MGAM2: variants seen among roughly 807,000 people sequenced by gnomAD.
MGAM2 encodes the protein probable maltase-glucoamylase 2.
Under a neutral mutation model 96.1 loss-of-function variants are expected in MGAM2, and 98 were observed. The ratio of observed to expected loss-of-function variants is 1.02; its 90% CI spans 0.87 to 1.21. MGAM2 has a LOEUF of 1.21. Ranked by LOEUF, MGAM2 falls within the 50% of genes most tolerant of loss-of-function variation. MGAM2 has a pLI of 0.00. For synonymous variants in MGAM2, 749 were observed against 414.8 expected (o/e 1.81, Z -9.79); for missense variants, 2,055 against 1,182.4 (o/e 1.74, Z -10.82).
chr7:142,181,332 G>C (rs1248261239), intron 32 of MGAM2, among the ~76,000 whole-genome samples: 1 of 152,162 alleles, frequency 6.6e-6, no homozygotes. Flanking sequence ...ATATTTATCT[G>C]TGGCTGAATT....
At chr7:142,123,171 CTT>C (rs202230778) in intron 3 of MGAM2, among the ~76,000 whole-genome samples, 2 of 145,036 alleles carry the variant, frequency 1.4e-5, no homozygotes, top group Admixed American at 6.9e-5. Flanking sequence ...TAGTTATATT[CTT>C]TTTTTTTTTT....
At chr7:142,194,500 T>C (rs1796966305) in intron 37 of MGAM2, among the ~76,000 whole-genome samples, 1 of 150,830 alleles carries the variant, frequency 6.6e-6, no homozygotes, top group Non-Finnish European at 1.5e-5. Flanking sequence ...ATCTAGACTG[T>C]TATAAAAATC....
In MGAM2 at chr7:142,157,968, C is replaced by T; in HGVS notation, c.1955C>T (p.Ser652Phe). 1.4e-6 allele frequency: 1 copy of T among 702,964 alleles called. No individual in the cohort carries two copies. The highest frequency in any genetic ancestry group is 2.6e-6 in the Non-Finnish European group (1 of 384,982). The allele number at this position is 702,964 out of a possible 1,614,324, so 43.5% of individuals were successfully genotyped here. Residue 652 changes from serine (S) to phenylalanine (F), a missense_variant, in exon 18 of 48, where the codon TCC becomes TTC. By Grantham distance (155) the Ser-to-Phe change is radical. Transcript: ENST00000477922. The stretch of plus-strand genomic sequence containing the variant: ...GATCCCGCTGCCTTTGGTGTTGATT[C>T]CCTGCTGCTGAAATCCTCCAGACAT... ...DQDPAAFGVDSLLLKSSRHYL... is the reference protein window; with the variant it reads ...DQDPAAFGVDFLLLKSSRHYL...
intron 45 of MGAM2, among the ~76,000 whole-genome samples, chr7:142,208,015 A>ATTG (rs1797461458): frequency 3.9e-5 from 6 of 152,174 alleles, no homozygotes; most frequent in African/African-American, 1.4e-4. Context: ...AATCAATTTT[A>ATTG]AGCACTTATT....
intron 12 of MGAM2, among the ~76,000 whole-genome samples, chr7:142,142,375 C>A (rs1161669472): frequency 6.6e-6 from 1 of 151,998 alleles, no homozygotes; most frequent in Admixed American, 6.6e-5. Context: ...TTCAATAGTA[C>A]TCATATTTGA....
chr7:142,158,639 T>A (rs1342518725), intron 19 of MGAM2, among the ~76,000 whole-genome samples: 1 of 152,148 alleles, frequency 6.6e-6, no homozygotes, highest in Non-Finnish European at 1.5e-5. Flanking sequence ...CTGTCTATAG[T>A]TTCCTTTGTC....
intron 37 of MGAM2, among the ~76,000 whole-genome samples, chr7:142,191,757 A>G (rs1331152490): frequency 1.3e-5 from 2 of 152,136 alleles, no homozygotes; most frequent in African/African-American, 4.8e-5. Context: ...CAAAATAGCA[A>G]CAGGGATTTT....
chr7:142,187,445 G>GC (rs1295374425), intron 35 of MGAM2, among the ~76,000 whole-genome samples: 2 of 152,240 alleles, frequency 1.3e-5, no homozygotes, highest in Non-Finnish European at 2.9e-5. Flanking sequence ...CCTGTGTCCA[G>GC]CATTACCTCA....
chr7:142,131,019 C>T lies in MGAM2; in HGVS notation c.258C>T (p.Phe86=), dbSNP rs141683715. The T allele has an allele frequency of 7.1e-6, 5 of 702,530 alleles. No individual in the cohort carries two copies. The highest frequency in any genetic ancestry group is 1.5e-5 in the South Asian group (1 of 67,586). 43.5% of individuals were successfully genotyped at this position (702,530 alleles called of 1,614,324 possible). The stretch of plus-strand genomic sequence containing the variant: ...ATGCCAATGTCCCTAGGTGCTTCTT[C>T]CCCTGGAACTGGGGCTATGAAGCCA... ...VADANVPRCF[F]PWNWGYEASN... The change falls in exon 4 of 48, where the codon TTC becomes TTT. Residue 86 remains phenylalanine (F), a synonymous_variant. Coordinates refer to ENST00000477922, the MANE Select transcript of MGAM2 (RefSeq NM_001293626.2).
At position 142,164,765 on chromosome 7, in the gene MGAM2, G is replaced by A. The variant is rs539621213; in HGVS notation, c.2485-91G>A. On this transcript the variant is annotated intron_variant, in intron 23 of 47. Coordinates refer to ENST00000477922, the MANE Select transcript of MGAM2 (RefSeq NM_001293626.2). ...ACTGCAGAGAAAAGGAAACAGCTTG[G>A]ATCACAGAAATTGAGACATTGACTG... 234 of 563,476 alleles carry A rather than the reference G, an allele frequency of 4.2e-4. 4 individuals are homozygous for A. The South Asian group carries it at 5.7e-3, about 14-fold the overall frequency. The allele number at this position is 563,476 out of a possible 1,614,324, so 34.9% of individuals were successfully genotyped here. A position where few individuals can be genotyped will look rare whatever the true frequency, so the allele number is the denominator to read the frequency against.
At chr7:142,194,419 T>C (rs1796963808) in intron 37 of MGAM2, among the ~76,000 whole-genome samples, 1 of 152,186 alleles carries the variant, frequency 6.6e-6, no homozygotes, top group African/African-American at 2.4e-5. Context: ...CTGCTTTCAG[T>C]TGGTGACTCA....
chr7:142,134,838 C>T (rs1795008672), intron 7 of MGAM2, among the ~76,000 whole-genome samples: 1 of 150,194 alleles, frequency 6.7e-6, no homozygotes, highest in Non-Finnish European at 1.5e-5. Flanking sequence ...AAATATATTA[C>T]TGAAAAAATG....
At position 142,148,209 on chromosome 7, in the gene MGAM2, AC is replaced by A. The variant is rs563347468; in HGVS notation, c.1634+638del. Among the ~76,000 whole-genome samples, 564 of 151,614 alleles carry A rather than the reference AC, an allele frequency of 3.7e-3. 5 individuals carry two copies. Among genetic ancestry groups the A allele is most frequent in the African/African-American group, 0.013 (535 of 41,292 alleles). On this transcript the variant is annotated intron_variant, in intron 15 of 47. Transcript: ENST00000477922. The surrounding 1 kb of genome is among the most constrained non-coding windows in gnomAD (Gnocchi z 4.2). ...TACCACCATTATTGCCATCACCACC[AC>A]CATCACTACCACTACTATCACCATC...
chr7:142,206,361 T>C lies in MGAM2; in HGVS notation c.5138-2212T>C, dbSNP rs369891910. ...TGGTTATTATACATGTTTAGCAGCA[T>C]CCCTGCCCTCTCCCCACTTGATGTC... On this transcript the variant is annotated intron_variant, in intron 45 of 47. Transcript: ENST00000477922. Among the ~76,000 whole-genome samples the C allele has an allele frequency of 5.9e-4, 90 of 152,292 alleles. 1 individual carries two copies. The South Asian group carries it at 0.017, about 29-fold the overall frequency.
chr7:142,147,309 T>C (rs1429570909), intron 14 of MGAM2, 147 bp from the exon 15 acceptor site: 2 of 548,414 alleles, frequency 3.6e-6, no homozygotes, highest in Admixed American at 6.8e-5. Context: ...GAAATAGCAT[T>C]TAGGATAGAA....
intron 26 of MGAM2, among the ~76,000 whole-genome samples, chr7:142,169,173 G>A (rs1796117801): frequency 6.6e-6 from 1 of 152,176 alleles, no homozygotes; most frequent in Non-Finnish European, 1.5e-5. Context: ...GCTCACACCT[G>A]TAATCCCAAC....
At chr7:142,162,160 ATG>A (rs1302151909) in intron 23 of MGAM2, among the ~76,000 whole-genome samples, 156 bp downstream of exon 23, 14 of 152,098 alleles carry the variant, frequency 9.2e-5, no homozygotes, top group Admixed American at 9.2e-4. Context: ...AAAGTGTTTA[ATG>A]TGTGTCAGGC....
Position 142,222,116 on chromosome 7 carries a change from A to T in MGAM2, c.*57A>T, listed in dbSNP as rs1797949753. On this transcript the variant is annotated 3_prime_UTR_variant, in exon 48 of 48. Transcript: ENST00000477922. Reference sequence around the variant, plus strand: ...TAACGCCTACAAACAACTATTACAGATATAGAAAATCAGTTACGAGACACT... The same window carrying T: ...TAACGCCTACAAACAACTATTACAGTTATAGAAAATCAGTTACGAGACACT... 1 of 397,592 alleles carries T rather than the reference A, an allele frequency of 2.5e-6. No homozygotes were observed. The highest frequency in any genetic ancestry group is 4.4e-5 in the Admixed American group (1 of 22,720). The allele number at this position is 397,592 out of a possible 1,614,324, so 24.6% of individuals were successfully genotyped here.
chr7:142,185,934 T>C, intron 34 of MGAM2, 55 bp from the exon 35 acceptor site: 1 of 680,220 alleles, frequency 1.5e-6, no homozygotes, highest in Non-Finnish European at 2.7e-6. Context: ...CTCCCATTTG[T>C]GGTCTCCTGT....
Sources: allele counts gnomAD v4.1 joint callset (sites outside exome capture counted in the v4.1 genomes callset), GRCh38; gene constraint gnomAD v4.1.1; non-coding constraint Gnocchi (gnomAD v3.1); transcripts MANE v1.5; gene names NCBI Gene and HGNC (gene_info 2026-07-23, HGNC 2026-07-21).